SLC14A2: variants seen among roughly 807,000 people sequenced by gnomAD.
SLC14A2 encodes urea transporter 2.
SLC14A2 carries 91 observed loss-of-function variants against 104.6 expected under a neutral mutation model. The ratio of observed to expected loss-of-function variants is 0.87; its 90% confidence interval spans 0.73 to 1.04. The LOEUF is 1.04. Ranked by LOEUF, SLC14A2 falls within the 50% of genes least tolerant of loss-of-function variation. The probability of loss-of-function intolerance (pLI) is 0.00; values close to 1 mark genes in which losing one functional copy is unlikely to be tolerated. For synonymous variants in SLC14A2, 476 were observed against 466.4 expected, an observed-to-expected ratio of 1.02 and a Z score of -0.27; for missense variants, 1,189 against 1,156.0, an observed-to-expected ratio of 1.03 and a Z score of -0.41.
At chr18:45,210,222 A>G (rs574578157), upstream of SLC14A2, among the ~76,000 whole-genome samples, 2 of 152,320 alleles carry the variant, frequency 1.3e-5, no homozygotes, top group South Asian at 4.1e-4. Context: ...TGCACCTGAT[A>G]TTCTCCAACA....
intron 1 of SLC14A2, among the ~76,000 whole-genome samples, chr18:45,363,271 C>T (rs2085632734): frequency 6.6e-6 from 1 of 152,070 alleles, no homozygotes; most frequent in African/African-American, 2.4e-5. Flanking sequence ...ACTTTCGGGT[C>T]CTTAGCATAC....
chr18:45,392,631 T>C (rs951803931), intron 1 of SLC14A2, among the ~76,000 whole-genome samples: 1 of 152,256 alleles, frequency 6.6e-6, no homozygotes, highest in African/African-American at 2.4e-5. Flanking sequence ...ATACACTTTA[T>C]ATCTGAACAT....
intron 1 of SLC14A2, among the ~76,000 whole-genome samples, chr18:45,292,676 G>A (rs1359884247): frequency 6.6e-6 from 1 of 152,122 alleles, no homozygotes; most frequent in East Asian, 1.9e-4. Context: ...ATAACTCCCT[G>A]CAAACAATGA....
At chr18:45,654,222 G>A (rs990846465) in intron 10 of SLC14A2, among the ~76,000 whole-genome samples, 15 of 152,068 alleles carry the variant, frequency 9.9e-5, no homozygotes, top group South Asian at 2.1e-4. Context: ...ACTGGCAGAC[G>A]TGCGCCAGGC....
Position 45,667,913 on chromosome 18 carries a change from G to A in SLC14A2, c.1798G>A (p.Gly600Ser), listed in dbSNP as rs765077431. ...GATGTTTGTGAACAACCCCCTCAGC[G>A]GCATCCTCATCATCCTCGGCCTCTT... ...QVMFVNNPLS[G>S]ILIILGLFIQ... The change falls in exon 14 of 20, where the codon GGC (glycine) becomes AGC (serine). Residue 600 changes from glycine (G) to serine (S), a missense_variant. Coordinates refer to ENST00000255226, the MANE Select transcript of SLC14A2 (RefSeq NM_007163.4). 2.9e-5 allele frequency: 47 copies of A among 1,613,932 alleles called. No homozygotes were observed. Among genetic ancestry groups the A allele is most frequent in the South Asian group, 2.3e-4 (21 of 91,078 alleles).
intron 1 of SLC14A2, among the ~76,000 whole-genome samples, chr18:45,262,660 G>A (rs2084551663): frequency 6.6e-6 from 1 of 152,112 alleles, no homozygotes; most frequent in African/African-American, 2.4e-5. Flanking sequence ...GGTAATCAGA[G>A]CCTCCCACCC....
At chr18:45,574,007 C>T (rs2044385132) in intron 2 of SLC14A2, among the ~76,000 whole-genome samples, 1 of 152,146 alleles carries the variant, frequency 6.6e-6, no homozygotes, top group Admixed American at 6.5e-5. Context: ...GGGCTTAGTA[C>T]AGTGTCAATT....
At chr18:45,252,127 G>C (rs1214996975) in intron 1 of SLC14A2, among the ~76,000 whole-genome samples, 1 of 152,178 alleles carries the variant, frequency 6.6e-6, no homozygotes, top group Non-Finnish European at 1.5e-5. Context: ...CCAAGGGTGT[G>C]CTGAGTTTCA....
chr18:45,532,806 T>C (rs1358955818), intron 2 of SLC14A2, among the ~76,000 whole-genome samples: 3 of 152,152 alleles, frequency 2.0e-5, no homozygotes, highest in Non-Finnish European at 2.9e-5. Context: ...CCAGTTTTTG[T>C]CCATTCAGTA....
rs185647652 is a variant in SLC14A2 at position 45,509,904 on chromosome 18, G to A, written c.-35+26582G>A. Among the ~76,000 whole-genome samples, 24 of 151,236 alleles carry A rather than the reference G, an allele frequency of 1.6e-4. No individual in the cohort carries two copies. In the East Asian group the frequency reaches 3.9e-3, roughly 24 times the overall value. ...AAGGAACATTGCTGGTTCCATGTTAGAACCTGAGAGACCTTGGAGAGGATC... is the reference window on the plus strand; with the variant it reads ...AAGGAACATTGCTGGTTCCATGTTAAAACCTGAGAGACCTTGGAGAGGATC... On this transcript the variant is annotated intron_variant, in intron 2 of 20. Transcript: ENST00000586448.
intron 17 of SLC14A2, 129 bp downstream of exon 17, chr18:45,673,176 CCT>C: frequency 1.1e-6 from 1 of 909,166 alleles, no homozygotes. Context: ...TCTGTTGTAC[CCT>C]GTTTCTCCGT....
At chr18:45,400,237 C>T (rs940068610) in intron 1 of SLC14A2, among the ~76,000 whole-genome samples, 6 of 152,132 alleles carry the variant, frequency 3.9e-5, no homozygotes, top group South Asian at 4.2e-4. Context: ...TTAGTTGTCA[C>T]ATCTCTCTGA....
At chr18:45,171,896 GC>G in the SLC14A2 span, among the ~76,000 whole-genome samples, 6 of 152,126 alleles carry the variant, frequency 3.9e-5, no homozygotes, top group Non-Finnish European at 7.4e-5. Context: ...ATTCCCTAAG[GC>G]CCAACTTCTT....
chr18:45,174,273 G>C, the SLC14A2 span, among the ~76,000 whole-genome samples: 2 of 152,112 alleles, frequency 1.3e-5, no homozygotes, highest in African/African-American at 4.8e-5. Flanking sequence ...TTCCCCCAGT[G>C]ATGACAGAGT....
intron 2 of SLC14A2, among the ~76,000 whole-genome samples, chr18:45,542,674 A>G (rs2043908490): frequency 6.6e-6 from 1 of 152,144 alleles, no homozygotes; most frequent in African/African-American, 2.4e-5. Context: ...TCTGGAAGGT[A>G]CCCTAGAGGC....
At chr18:45,434,698 G>A (rs777189929) in intron 1 of SLC14A2, among the ~76,000 whole-genome samples, 22 of 152,152 alleles carry the variant, frequency 1.4e-4, no homozygotes, top group Non-Finnish European at 2.8e-4. Flanking sequence ...AAACCAGCAC[G>A]TGAAGATTTC....
chr18:45,437,528 G>A (rs1005826246), intron 1 of SLC14A2, among the ~76,000 whole-genome samples: 8 of 152,252 alleles, frequency 5.3e-5, no homozygotes, highest in Non-Finnish European at 7.4e-5. Context: ...TGGCCCATCC[G>A]CTCCAGCTGC....
chr18:45,617,171 G>A (rs1279426406), intron 1 of SLC14A2, among the ~76,000 whole-genome samples: 1 of 152,170 alleles, frequency 6.6e-6, no homozygotes, highest in Non-Finnish European at 1.5e-5. Flanking sequence ...AAGCTAAGGA[G>A]GAGCATCAAA....
intron 1 of SLC14A2, among the ~76,000 whole-genome samples, chr18:45,398,926 C>T (rs1598756765): frequency 1.3e-5 from 2 of 152,154 alleles, no homozygotes; most frequent in Admixed American, 1.3e-4. Flanking sequence ...TGCACAACAA[C>T]GTACACATAC....
Sources: gnomAD v4.1 joint callset for allele counts (sites outside exome capture counted in the v4.1 genomes callset) on GRCh38, gnomAD v4.1.1 for gene constraint, MANE v1.5 for transcripts, NCBI Gene and HGNC (gene_info 2026-07-23, HGNC 2026-07-21) for gene names.